The following FAM222A variants were observed in gnomAD, a reference collection of about 807,000 sequenced individuals.
FAM222A encodes protein FAM222A.
FAM222A carries 7 observed loss-of-function variants against 25.8 expected under a neutral mutation model. The ratio of observed to expected loss-of-function variants is 0.27; its 90% CI spans 0.15 to 0.51. FAM222A has a LOEUF of 0.51. Ranked by LOEUF, FAM222A falls within the 20% of genes least tolerant of loss-of-function variation. The pLI is 0.97. For synonymous variants in FAM222A, 294 were observed against 298.8 expected, an observed-to-expected ratio of 0.98 and a Z score of 0.17; for missense variants, 573 against 640.5, an observed-to-expected ratio of 0.89 and a Z score of 1.14.
rs1889133059 is a variant in FAM222A at position 109,768,550 on chromosome 12, C to T, written c.621C>T (p.Asn207=). The T allele has an allele frequency of 1.2e-6, 2 of 1,603,060 alleles. No individual in the cohort carries two copies. Among genetic ancestry groups the T allele is most frequent in the African/African-American group, 1.3e-5 (1 of 74,914 alleles). The change falls in exon 3 of 3, where the codon AAC becomes AAT. Residue 207 remains asparagine, a synonymous_variant. Transcript: ENST00000538780. ...PSIHSLLYQL[N]QQCQAPGAAP... is the part of the protein sequence containing the mutation. Reference sequence around the variant, plus strand: ...TCCACAGCCTCCTGTACCAGCTCAACCAGCAGTGCCAGGCCCCGGGCGCCG... The same window carrying T: ...TCCACAGCCTCCTGTACCAGCTCAATCAGCAGTGCCAGGCCCCGGGCGCCG...
intron 1 of FAM222A, among the ~76,000 whole-genome samples, chr12:109,729,423 G>A (rs1045828683): frequency 3.3e-5 from 5 of 152,142 alleles, no homozygotes; most frequent in African/African-American, 4.8e-5. Flanking sequence ...GAACCCAGTG[G>A]CATCTCCCTG....
chr12:109,754,926 C>T (rs1168739403), intron 2 of FAM222A, among the ~76,000 whole-genome samples: 1 of 152,158 alleles, frequency 6.6e-6, no homozygotes, highest in Non-Finnish European at 1.5e-5. Flanking sequence ...CTGCCTCAGC[C>T]TCCCAAAGCA....
At position 109,744,244 on chromosome 12, in the gene FAM222A, C is replaced by T. The variant is rs540869942; in HGVS notation, c.82+16C>T. The T allele has an allele frequency of 1.2e-5, 20 of 1,609,408 alleles. No homozygotes were observed. The South Asian group carries it at 1.9e-4, about 15-fold the overall frequency. ...CTGCGCAAGTGTGAGTAGGACGCCT[C>T]CCCAGCCTTTGCAGGGCAGGTCGTG... On this transcript the variant is annotated intron_variant, in intron 2 of 2. Transcript: ENST00000538780.
chr12:109,760,851 G>A (rs1888870602), intron 2 of FAM222A, among the ~76,000 whole-genome samples: 1 of 152,218 alleles, frequency 6.6e-6, no homozygotes, highest in Non-Finnish European at 1.5e-5. Flanking sequence ...GCGGGAAGGA[G>A]ACCTGGGCCA....
intron 1 of FAM222A, among the ~76,000 whole-genome samples, chr12:109,742,828 C>T (rs1016308864): frequency 3.9e-5 from 6 of 151,920 alleles, no homozygotes; most frequent in Non-Finnish European, 7.4e-5. Flanking sequence ...GGAATAATTG[C>T]GCCGTAACAA....
intron 1 of FAM222A, among the ~76,000 whole-genome samples, chr12:109,741,160 C>T (rs1888231467): frequency 6.6e-6 from 1 of 152,076 alleles, no homozygotes. Context: ...GGTCCCCTCC[C>T]CACTTCCCTC....
At chr12:109,741,795 G>C (rs1017856213) in intron 1 of FAM222A, among the ~76,000 whole-genome samples, 1 of 152,210 alleles carries the variant, frequency 6.6e-6, no homozygotes, top group Non-Finnish European at 1.5e-5. Flanking sequence ...GAGGCAAGGA[G>C]GTTCCAGCCT....
chr12:109,735,455 T>C (rs1045570686), intron 1 of FAM222A: 1 of 152,212 alleles, frequency 6.6e-6, no homozygotes. Context: ...AGCTAGCTCT[T>C]ATTGCTCTTA....
chr12:109,742,033 G>C (rs1888254539), intron 1 of FAM222A: 1 of 152,336 alleles, frequency 6.6e-6, no homozygotes, highest in African/African-American at 2.4e-5. Context: ...GCTAGAGATG[G>C]ACTCTGCCCT....
chr12:109,729,269 T>G (rs987889298), intron 1 of FAM222A, among the ~76,000 whole-genome samples: 2 of 152,166 alleles, frequency 1.3e-5, no homozygotes, highest in Non-Finnish European at 2.9e-5. Flanking sequence ...CATCATAAGT[T>G]TTTAAATGCA....
chr12:109,720,768 G>A lies in FAM222A; in HGVS notation c.-47+5871G>A, dbSNP rs142446300. On this transcript the variant is annotated intron_variant, in intron 1 of 2. Coordinates refer to ENST00000538780, the MANE Select transcript of FAM222A (RefSeq NM_032829.3). ...GTGGTGTGTACCTACCGAGGGAGAG[G>A]CCTCGAGTGCACCCCCTCAGCCACC... Among the ~76,000 whole-genome samples, 50 of 152,334 alleles carry A rather than the reference G, an allele frequency of 3.3e-4. 1 individual carries two copies. Among genetic ancestry groups the A allele is most frequent in the Middle Eastern group, 6.8e-3 (2 of 294 alleles).
chr12:109,766,802 G>C (rs189709262), intron 2 of FAM222A, among the ~76,000 whole-genome samples: 4 of 152,106 alleles, frequency 2.6e-5, no homozygotes, highest in African/African-American at 9.7e-5. Context: ...TCCCGAAGCC[G>C]GGCAGGGGCA....
chr12:109,726,980 A>G (rs1887855738), intron 1 of FAM222A, among the ~76,000 whole-genome samples: 1 of 152,226 alleles, frequency 6.6e-6, no homozygotes, highest in South Asian at 2.1e-4. Context: ...GAGGAAGCAG[A>G]GGTCCAAGCT....
chr12:109,745,223 G>A (rs1253359003), intron 2 of FAM222A, among the ~76,000 whole-genome samples: 2 of 152,186 alleles, frequency 1.3e-5, no homozygotes, highest in African/African-American at 2.4e-5. Context: ...GTATGGAGAC[G>A]CATATTTTAC....
chr12:109,756,676 A>C (rs1027916815), intron 2 of FAM222A, among the ~76,000 whole-genome samples: 1 of 152,192 alleles, frequency 6.6e-6, no homozygotes, highest in Non-Finnish European at 1.5e-5. Flanking sequence ...TGTTGAACCA[A>C]CCTTGCATTC....
rs767158144 is a variant in FAM222A, at chr12:109,768,950, G to A, written c.1021G>A (p.Val341Ile). ...CGVGLPTSFT[V>I]GQYFAAPWNS... is the part of the protein sequence containing the mutation. ...CGTGGGGCTGCCCACCAGCTTCACC[G>A]TAGGCCAGTACTTTGCGGCCCCGTG... The change falls in exon 3 of 3, where the codon GTA becomes ATA. Residue 341 changes from valine (V) to isoleucine (I), a missense_variant. This residue lies in a region of FAM222A where 412 missense variants were observed against 407.0 expected (regional missense o/e 1.01). Coordinates refer to ENST00000538780, the MANE Select transcript of FAM222A (RefSeq NM_032829.3). 64 of 1,573,644 alleles carry A rather than the reference G, an allele frequency of 4.1e-5. No individual in the cohort carries two copies. Among genetic ancestry groups the A allele is most frequent in the South Asian group, 1.3e-4 (11 of 87,264 alleles).
At chr12:109,756,027 T>C (rs1349283877) in intron 2 of FAM222A, among the ~76,000 whole-genome samples, 1 of 152,250 alleles carries the variant, frequency 6.6e-6, no homozygotes, top group African/African-American at 2.4e-5. Context: ...GAGATTTGCA[T>C]TGGATTTATA....
At chr12:109,721,058 A>G (rs1360747043) in intron 1 of FAM222A, among the ~76,000 whole-genome samples, 1 of 152,278 alleles carries the variant, frequency 6.6e-6, no homozygotes, top group Non-Finnish European at 1.5e-5. Context: ...GCTGTGTGCC[A>G]GACTGAGTTT....
chr12:109,716,394 T>C (rs1887646336), intron 1 of FAM222A, among the ~76,000 whole-genome samples: 1 of 152,142 alleles, frequency 6.6e-6, no homozygotes, highest in Admixed American at 6.5e-5. Flanking sequence ...GTTCGGGTCA[T>C]TAGGAGAAGC....
Sources: gnomAD v4.1 joint callset for allele counts (sites outside exome capture counted in the v4.1 genomes callset) on GRCh38, gnomAD v4.1.1 for gene constraint, gnomAD v4.1.1 regional missense constraint, MANE v1.5 for transcripts, NCBI Gene and HGNC (gene_info 2026-07-23, HGNC 2026-07-21) for gene names.